The following SDK1 variants were observed in gnomAD, a reference collection of about 807,000 sequenced individuals.
SDK1 encodes protein sidekick-1.
A neutral mutation model predicts 245.5 loss-of-function variants in SDK1; 157 were observed. The observed-to-expected ratio is 0.64, with a 90% CI of 0.56 to 0.73. The LOEUF (loss-of-function observed/expected upper bound fraction) is 0.73. Among genes scored for constraint, SDK1 ranks in the 30% least tolerant of loss-of-function variants. SDK1 has a pLI of 0.00. For synonymous variants in SDK1, 1,647 were observed against 1,278.5 expected, an observed-to-expected ratio of 1.29 and a Z score of -6.15; for missense variants, 3,583 against 3,002.3, an observed-to-expected ratio of 1.19 and a Z score of -4.52.
intron 5 of SDK1, among the ~76,000 whole-genome samples, chr7:3,920,891 TG>T (rs1303791872): frequency 6.6e-6 from 1 of 152,192 alleles, no homozygotes; most frequent in Non-Finnish European, 1.5e-5. Flanking sequence ...TGGTAACAAC[TG>T]GAGCCCCTTC....
At chr7:3,682,552 C>T (rs79432027) in intron 4 of SDK1, among the ~76,000 whole-genome samples, 1 of 6,146 alleles carries the variant, frequency 1.6e-4, no homozygotes, top group African/African-American at 6.0e-4. Context: ...GTGCTGAGCC[C>T]CCATGCATGG....
At chr7:4,250,457 C>A (rs1583176119) in intron 44 of SDK1, among the ~76,000 whole-genome samples, 1 of 152,126 alleles carries the variant, frequency 6.6e-6, no homozygotes, top group African/African-American at 2.4e-5. Context: ...AATTCTCATG[C>A]CTCGGCTTCC....
At chr7:3,705,213 A>C (rs1784850160) in intron 4 of SDK1, among the ~76,000 whole-genome samples, 1 of 151,724 alleles carries the variant, frequency 6.6e-6, no homozygotes, top group African/African-American at 2.4e-5. Flanking sequence ...TTTTTTTTCT[A>C]ATTCCGTTAA....
At chr7:3,788,265 C>T (rs938466869) in intron 4 of SDK1, among the ~76,000 whole-genome samples, 1 of 152,206 alleles carries the variant, frequency 6.6e-6, no homozygotes, top group African/African-American at 2.4e-5. Flanking sequence ...GCACGCTTGT[C>T]AGAACAGCAG....
intron 1 of SDK1, among the ~76,000 whole-genome samples, chr7:3,362,149 C>CT (rs1364416940): frequency 1.3e-5 from 2 of 152,282 alleles, no homozygotes; most frequent in Non-Finnish European, 2.9e-5. Flanking sequence ...ATAAATAACT[C>CT]TTACTGTAGA....
At position 4,265,260 on chromosome 7, in the gene SDK1, TGGCG is replaced by T; in HGVS notation, c.6522_6525del (p.Gly2175ProfsTer67). On this transcript the variant is annotated frameshift_variant, in exon 45 of 45. Transcript: ENST00000404826. LOFTEE classifies it high-confidence loss of function. ...CCTGCGCCGCACAGGTACGAGGCGGTGGCGGGCTCCGAGGCGGGCGCGCAGCTGC... is the reference window on the plus strand; with the variant it reads ...CCTGCGCCGCACAGGTACGAGGCGGTGGCTCCGAGGCGGGCGCGCAGCTGC... 1 of 1,600,364 alleles carries T rather than the reference TGGCG, an allele frequency of 6.2e-7. No homozygotes were observed.
intron 7 of SDK1, chr7:3,957,939 A>G (rs916362874): frequency 4.9e-5 from 23 of 470,090 alleles, no homozygotes; most frequent in African/African-American, 4.4e-4. Flanking sequence ...TAATCGCAGA[A>G]GTGAAACATC....
intron 4 of SDK1, among the ~76,000 whole-genome samples, chr7:3,793,138 A>T (rs765423211): frequency 6.6e-6 from 1 of 152,128 alleles, no homozygotes; most frequent in Non-Finnish European, 1.5e-5. Flanking sequence ...TATCTACCCA[A>T]ATGTCCCTTT....
chr7:3,429,001 AGTT>A (rs1190030999), intron 1 of SDK1, among the ~76,000 whole-genome samples: 1 of 152,218 alleles, frequency 6.6e-6, no homozygotes, highest in African/African-American at 2.4e-5. Context: ...AAGTTCAGTT[AGTT>A]CTCTTAGGAA....
chr7:4,082,358 A>AACC (rs1348373288), intron 22 of SDK1, among the ~76,000 whole-genome samples: 2 of 151,986 alleles, frequency 1.3e-5, no homozygotes, highest in Admixed American at 1.3e-4. Flanking sequence ...CAACATGTGA[A>AACC]ACCCCATCTC....
chr7:3,536,182 A>G (rs985148677), intron 1 of SDK1, among the ~76,000 whole-genome samples: 2 of 151,366 alleles, frequency 1.3e-5, no homozygotes, highest in South Asian at 4.2e-4. Context: ...TGAGCCTCCC[A>G]AGTAGCTGTG....
intron 1 of SDK1, among the ~76,000 whole-genome samples, chr7:3,410,005 A>C (rs73298380): frequency 0.063 from 9,537 of 152,200 alleles, 839 homozygotes; most frequent in African/African-American, 0.2. Flanking sequence ...CTGTGCTTCA[A>C]TGTCCTCACC....
chr7:3,351,046 G>C (rs1272181552), intron 1 of SDK1, among the ~76,000 whole-genome samples: 2 of 152,094 alleles, frequency 1.3e-5, no homozygotes, highest in Admixed American at 1.3e-4. Flanking sequence ...ATATATCTTA[G>C]TTTCACTGGG....
At chr7:3,652,693 G>A (rs1783047745) in intron 4 of SDK1, among the ~76,000 whole-genome samples, 1 of 152,118 alleles carries the variant, frequency 6.6e-6, no homozygotes, top group Non-Finnish European at 1.5e-5. Flanking sequence ...TGAGAGCAAG[G>A]GCACAGTTGC....
chr7:3,362,096 C>G (rs1054842939), intron 1 of SDK1, among the ~76,000 whole-genome samples: 6 of 152,076 alleles, frequency 3.9e-5, no homozygotes, highest in Non-Finnish European at 5.9e-5. Flanking sequence ...AGTGAAGGGA[C>G]CTAGTTCTTA....
At chr7:3,734,645 A>G (rs1779269666) in intron 4 of SDK1, among the ~76,000 whole-genome samples, 7 of 152,250 alleles carry the variant, frequency 4.6e-5, no homozygotes, top group Admixed American at 4.6e-4. Context: ...ATAACCATTA[A>G]TTAAACCCCG....
intron 1 of SDK1, among the ~76,000 whole-genome samples, chr7:3,464,400 A>T (rs1039573255): frequency 6.6e-6 from 1 of 152,132 alleles, no homozygotes; most frequent in Non-Finnish European, 1.5e-5. Flanking sequence ...GCATGCCTGT[A>T]GCCCCAGCTA....
At chr7:3,431,525 A>G (rs1362087643) in intron 1 of SDK1, among the ~76,000 whole-genome samples, 1 of 152,188 alleles carries the variant, frequency 6.6e-6, no homozygotes, top group Non-Finnish European at 1.5e-5. Context: ...ATTGCAATGA[A>G]AAATACCAAA....
chr7:3,799,173 C>A (rs1044606492), intron 4 of SDK1, among the ~76,000 whole-genome samples: 19 of 151,964 alleles, frequency 1.3e-4, no homozygotes, highest in Admixed American at 3.9e-4. Context: ...TTTTTTGTTT[C>A]TTCTTATAAA....
Sources: allele counts gnomAD v4.1 joint callset (sites outside exome capture counted in the v4.1 genomes callset), GRCh38; gene constraint gnomAD v4.1.1; transcripts MANE v1.5; gene names NCBI Gene and HGNC (gene_info 2026-07-23, HGNC 2026-07-21).